The following NXPH1 variants were observed in gnomAD, a reference collection of about 807,000 sequenced individuals.
NXPH1 encodes the protein neurexophilin-1.
A neutral mutation model predicts 23.7 loss-of-function variants in NXPH1; 5 were observed. The ratio of observed to expected loss-of-function variants is 0.21; its 90% CI spans 0.11 to 0.44. The LOEUF is 0.44. NXPH1 is among the 20% of genes least tolerant of loss of function. The pLI is 0.99. For synonymous variants in NXPH1, 144 were observed against 122.2 expected, an observed-to-expected ratio of 1.18 and a Z score of -1.18; for missense variants, 324 against 321.6, an observed-to-expected ratio of 1.01 and a Z score of -0.06.
At chr7:8,685,523 G>A (rs1028689027) in intron 2 of NXPH1, among the ~76,000 whole-genome samples, 7 of 151,680 alleles carry the variant, frequency 4.6e-5, no homozygotes, top group African/African-American at 1.7e-4. Context: ...GGACTGTTAA[G>A]TTGCTTCCAA....
intron 2 of NXPH1, among the ~76,000 whole-genome samples, chr7:8,748,808 A>G (rs1284187669): frequency 3.3e-5 from 5 of 152,188 alleles, no homozygotes; most frequent in African/African-American, 4.8e-5. Context: ...CTCTGATGCA[A>G]TGAATTTTCA....
At chr7:8,528,208 G>A (rs767224855) in intron 2 of NXPH1, among the ~76,000 whole-genome samples, 6 of 152,240 alleles carry the variant, frequency 3.9e-5, no homozygotes, top group Non-Finnish European at 8.8e-5. Flanking sequence ...CTCCTCCCCT[G>A]AAGGGCAAGC....
intron 2 of NXPH1, among the ~76,000 whole-genome samples, chr7:8,748,350 C>G (rs138478536): frequency 6.6e-6 from 1 of 152,168 alleles, no homozygotes; most frequent in Non-Finnish European, 1.5e-5. Flanking sequence ...GAAGTACTTA[C>G]AACTAAAAAA....
intron 2 of NXPH1, among the ~76,000 whole-genome samples, chr7:8,670,229 AT>A (rs1820846318): frequency 1.3e-5 from 2 of 152,108 alleles, no homozygotes; most frequent in African/African-American, 4.8e-5. Context: ...CTAAATGTAG[AT>A]GTCCTTTGAG....
chr7:8,566,870 CATCT>C (rs754431392), intron 2 of NXPH1, among the ~76,000 whole-genome samples: 9 of 151,792 alleles, frequency 5.9e-5, no homozygotes, highest in Admixed American at 1.3e-4. Context: ...CTCTCTCTCT[CATCT>C]ATCTATCTAC....
intron 2 of NXPH1, among the ~76,000 whole-genome samples, chr7:8,472,472 C>A (rs556054305): frequency 1.3e-5 from 2 of 152,148 alleles, no homozygotes; most frequent in Non-Finnish European, 2.9e-5. Flanking sequence ...TGTCCAAAGT[C>A]ACCCTGAGTT....
intron 2 of NXPH1, among the ~76,000 whole-genome samples, chr7:8,705,685 T>A (rs28619561): frequency 0.029 from 4,457 of 152,244 alleles, 175 homozygotes; most frequent in East Asian, 0.18. Context: ...TTGGACGTGG[T>A]GCACAGTAAT....
Position 8,433,670 on chromosome 7 carries a change from G to A in NXPH1, c.-1196G>A, listed in dbSNP as rs1028660916. ...TCTGCGGCTCCCCCGCCTCCGGCCC[G>A]GCAGCCACAGGTCGGAGGCGCCCGG... is the stretch of plus-strand genomic sequence containing the variant. On this transcript the variant is annotated 5_prime_UTR_variant, in exon 1 of 3. Transcript: ENST00000405863. This position sits in a 1 kb window ranked among gnomAD's most constrained non-coding sequence, Gnocchi z 6.8. Among the ~76,000 whole-genome samples, 19 of 152,214 alleles carry A rather than the reference G, an allele frequency of 1.2e-4. No individual in the cohort carries two copies. The highest frequency in any genetic ancestry group is 4.1e-4 in the African/African-American group (17 of 41,538).
intron 2 of NXPH1, among the ~76,000 whole-genome samples, chr7:8,657,959 C>T (rs1244888222): frequency 3.9e-5 from 6 of 152,092 alleles, no homozygotes; most frequent in South Asian, 2.1e-4. Flanking sequence ...ACTCGGGAGG[C>T]GGAAGTTGCA....
At chr7:8,555,039 G>T (rs1818334732) in intron 2 of NXPH1, among the ~76,000 whole-genome samples, 1 of 151,658 alleles carries the variant, frequency 6.6e-6, no homozygotes, top group Non-Finnish European at 1.5e-5. Context: ...GTCCTTGGAA[G>T]GCAGTGTGGT....
chr7:8,725,305 C>A (rs557455853), intron 2 of NXPH1, among the ~76,000 whole-genome samples: 2 of 152,208 alleles, frequency 1.3e-5, no homozygotes, highest in South Asian at 4.1e-4. Context: ...ACCTGGGCAA[C>A]ATGGCGAAAC....
At chr7:8,452,041 G>C (rs765948726) in intron 2 of NXPH1, among the ~76,000 whole-genome samples, 1 of 152,090 alleles carries the variant, frequency 6.6e-6, no homozygotes, top group Non-Finnish European at 1.5e-5. Flanking sequence ...GCTGACAGAA[G>C]AAAACTGACT....
chr7:8,698,265 A>T (rs527830843), intron 2 of NXPH1, among the ~76,000 whole-genome samples: 1 of 152,188 alleles, frequency 6.6e-6, no homozygotes, highest in African/African-American at 2.4e-5. Flanking sequence ...TTTCAATTCT[A>T]TAATATATAT....
chr7:8,644,826 AT>A (rs1274785695), intron 2 of NXPH1, among the ~76,000 whole-genome samples: 1 of 152,128 alleles, frequency 6.6e-6, no homozygotes, highest in Non-Finnish European at 1.5e-5. Flanking sequence ...ACTCTCTTAA[AT>A]TTTGTGCACA....
intron 2 of NXPH1, among the ~76,000 whole-genome samples, chr7:8,616,862 A>AG (rs1221871964): frequency 2.6e-5 from 4 of 151,916 alleles, no homozygotes; most frequent in Middle Eastern, 3.4e-3. Context: ...TTAAAAAAAA[A>AG]AAAAACCACT....
rs17153643 is a variant in NXPH1, at chr7:8,679,413, C to G, written c.55-71595C>G. Among the ~76,000 whole-genome samples the G allele has an allele frequency of 6.4e-3, 974 of 152,100 alleles. 11 individuals are homozygous for G. Among genetic ancestry groups the G allele is most frequent in the African/African-American group, 0.022 (929 of 41,488 alleles). On this transcript the variant is annotated intron_variant, in intron 2 of 2. Transcript: ENST00000405863. ...GCTCTATGAAAAGAGAAACTGTATC[C>G]CGTTTATCTGTGTATCTCATATAAT...
chr7:8,462,149 A>G (rs1280328068), intron 2 of NXPH1, among the ~76,000 whole-genome samples: 2 of 152,190 alleles, frequency 1.3e-5, no homozygotes, highest in African/African-American at 4.8e-5. Context: ...CATGGGTTCA[A>G]GTGATTCTCC....
chr7:8,455,013 A>G (rs1563315007), intron 2 of NXPH1, among the ~76,000 whole-genome samples: 2 of 152,182 alleles, frequency 1.3e-5, no homozygotes, highest in African/African-American at 4.8e-5. Context: ...CTAATTTATG[A>G]TGCTGTTTTT....
chr7:8,499,454 G>A (rs1324702940), intron 2 of NXPH1, among the ~76,000 whole-genome samples: 1 of 152,054 alleles, frequency 6.6e-6, no homozygotes, highest in Non-Finnish European at 1.5e-5. Flanking sequence ...AGCTATACCA[G>A]CCTACAAAGG....
Sources: gnomAD v4.1 joint callset for allele counts (sites outside exome capture counted in the v4.1 genomes callset) on GRCh38, gnomAD v4.1.1 for gene constraint, Gnocchi (gnomAD v3.1) non-coding constraint, MANE v1.5 for transcripts, NCBI Gene and HGNC (gene_info 2026-07-23, HGNC 2026-07-21) for gene names.